The following ZFHX3 variants were observed in gnomAD, a reference collection of about 807,000 sequenced individuals.
The protein encoded by ZFHX3 is zinc finger homeobox 3, also known as zinc finger homeobox protein 3.
ZFHX3 carries 42 observed loss-of-function variants against 279.1 expected under a neutral mutation model. The ratio of observed to expected loss-of-function variants is 0.15; its 90% confidence interval spans 0.12 to 0.19. The LOEUF is 0.19. Ranked by LOEUF, ZFHX3 falls within the 10% of genes least tolerant of loss-of-function variation. The pLI is 1.00. For missense variants in ZFHX3, 4,981 were observed against 4,754.0 expected (o/e 1.05, Z -1.40); for synonymous variants, 2,293 against 1,957.8 (o/e 1.17, Z -4.52).
intron 2 of ZFHX3, among the ~76,000 whole-genome samples, chr16:73,560,785 G>A (rs1231414309): frequency 6.6e-6 from 1 of 152,172 alleles, no homozygotes; most frequent in East Asian, 1.9e-4. Context: ...CAGAGCCTCC[G>A]AAATCTCACT....
At chr16:73,600,040 AC>A (rs1440216930) in intron 2 of ZFHX3, among the ~76,000 whole-genome samples, 1 of 152,176 alleles carries the variant, frequency 6.6e-6, no homozygotes, top group African/African-American at 2.4e-5. Context: ...GACTTTGGAT[AC>A]GGAGCATCTT....
chr16:73,659,280 C>G (rs923879152), intron 2 of ZFHX3, among the ~76,000 whole-genome samples: 1 of 152,086 alleles, frequency 6.6e-6, no homozygotes, highest in African/African-American at 2.4e-5. Flanking sequence ...AATGTACATA[C>G]GTGCAAAAAC....
At chr16:73,309,045 G>C (rs1178521511) in intron 4 of ZFHX3, among the ~76,000 whole-genome samples, 1 of 152,094 alleles carries the variant, frequency 6.6e-6, no homozygotes, top group African/African-American at 2.4e-5. Context: ...ACACAGATGG[G>C]AAGCTATGAA....
intron 2 of ZFHX3, chr16:73,554,654 G>A (rs769668050): frequency 2.0e-5 from 3 of 152,100 alleles, no homozygotes; most frequent in South Asian, 2.1e-4. Flanking sequence ...CACAGACCTC[G>A]GAATGGGAAG....
chr16:72,970,694 C>T (rs1299540441), intron 1 of ZFHX3, among the ~76,000 whole-genome samples: 2 of 152,198 alleles, frequency 1.3e-5, no homozygotes, highest in African/African-American at 2.4e-5. Flanking sequence ...TAACCATAAC[C>T]AACACTTATG....
chr16:73,257,724 G>T (rs1298823247), intron 4 of ZFHX3, among the ~76,000 whole-genome samples: 1 of 152,174 alleles, frequency 6.6e-6, no homozygotes, highest in Non-Finnish European at 1.5e-5. Context: ...AAACTGATTG[G>T]CTGAAAGGAG....
At chr16:72,936,213 C>T (rs181805042) in intron 3 of ZFHX3, among the ~76,000 whole-genome samples, 26 of 152,286 alleles carry the variant, frequency 1.7e-4, no homozygotes, top group African/African-American at 5.3e-4. Flanking sequence ...TAGGGCTCTA[C>T]CTTATGAAAT....
intron 1 of ZFHX3, among the ~76,000 whole-genome samples, chr16:72,996,028 G>C (rs1041024404): frequency 5.3e-5 from 8 of 152,142 alleles, no homozygotes; most frequent in Non-Finnish European, 1.0e-4. Context: ...AACACTTTGG[G>C]ACACCAAGGC....
intron 2 of ZFHX3, among the ~76,000 whole-genome samples, chr16:73,619,805 G>A (rs1466126100): frequency 6.6e-6 from 1 of 151,956 alleles, no homozygotes; most frequent in East Asian, 1.9e-4. Flanking sequence ...GCTCCCACAT[G>A]GTTTTCCTGA....
intron 2 of ZFHX3, among the ~76,000 whole-genome samples, chr16:73,522,561 G>T (rs999475879): frequency 5.9e-5 from 9 of 152,136 alleles, no homozygotes; most frequent in African/African-American, 1.9e-4. Context: ...GGGGAACTTA[G>T]TTGACTAAGC....
intron 1 of ZFHX3, among the ~76,000 whole-genome samples, chr16:73,036,793 A>G (rs1470507753): frequency 2.6e-5 from 4 of 152,180 alleles, no homozygotes; most frequent in African/African-American, 9.7e-5. Context: ...CTGAACTTCC[A>G]GGTCCCTTTG....
At chr16:72,882,120 C>T (rs2038491541) in intron 4 of ZFHX3, among the ~76,000 whole-genome samples, 1 of 151,862 alleles carries the variant, frequency 6.6e-6, no homozygotes, top group South Asian at 2.1e-4. Flanking sequence ...GCAAACACAC[C>T]CATATACTGT....
chr16:72,789,125 G>C (rs564343791), intron 9 of ZFHX3: 1 of 361,808 alleles, frequency 2.8e-6, no homozygotes, highest in Non-Finnish European at 4.9e-6. Context: ...GGACAACCTT[G>C]TATTCTAATG....
intron 3 of ZFHX3, among the ~76,000 whole-genome samples, chr16:73,398,778 C>T (rs923036783): frequency 6.6e-6 from 1 of 152,164 alleles, no homozygotes; most frequent in Non-Finnish European, 1.5e-5. Flanking sequence ...ATCCCATTGT[C>T]TGGGAACTCC....
intron 7 of ZFHX3, among the ~76,000 whole-genome samples, chr16:73,115,194 G>A (rs1204727168): frequency 2.0e-5 from 3 of 151,858 alleles, no homozygotes; most frequent in Non-Finnish European, 4.4e-5. Context: ...GGTGCCTTGC[G>A]GGAGACCATT....
chr16:73,028,670 C>T (rs908555342), intron 1 of ZFHX3, among the ~76,000 whole-genome samples: 1 of 152,192 alleles, frequency 6.6e-6, no homozygotes, highest in African/African-American at 2.4e-5. Context: ...GCCAAGACCC[C>T]CACTGGTGGC....
intron 1 of ZFHX3, among the ~76,000 whole-genome samples, chr16:73,811,251 G>A (rs1477435108): frequency 6.6e-6 from 1 of 152,058 alleles, no homozygotes; most frequent in African/African-American, 2.4e-5. Flanking sequence ...GCTCTTACCT[G>A]AATTAGAGCC....
chr16:73,418,329 G>C (rs773767305), intron 3 of ZFHX3, among the ~76,000 whole-genome samples: 2 of 143,186 alleles, frequency 1.4e-5, no homozygotes. Context: ...TGGGGCAGCC[G>C]CCCTACAGGC....
intron 5 of ZFHX3, among the ~76,000 whole-genome samples, chr16:73,198,527 G>C (rs1057145614): frequency 9.2e-4 from 1 of 1,090 alleles, no homozygotes; most frequent in Non-Finnish European, 2.6e-3. Flanking sequence ...TCTAGCTTTC[G>C]TTGATTATCG....
Sources: gnomAD v4.1 joint callset for allele counts (sites outside exome capture counted in the v4.1 genomes callset) on GRCh38, gnomAD v4.1.1 for gene constraint, MANE v1.5 for transcripts, NCBI Gene and HGNC (gene_info 2026-07-23, HGNC 2026-07-21) for gene names.